FAM193B: variants seen among roughly 807,000 people sequenced by gnomAD.
FAM193B encodes the protein protein FAM193B.
Under a neutral mutation model 70.7 loss-of-function variants are expected in FAM193B, and 27 were observed. The ratio of observed to expected loss-of-function variants is 0.38; its 90% CI spans 0.28 to 0.53. FAM193B has a LOEUF of 0.53. Among genes scored for constraint, FAM193B ranks in the 20% least tolerant of loss-of-function variants. The pLI is 0.81. For missense variants in FAM193B, 1,022 were observed against 1,072.5 expected (o/e 0.95, Z 0.66); for synonymous variants, 448 against 436.0 (o/e 1.03, Z -0.34).
At chr5:177,553,738 C>G in intron 1 of FAM193B, 1 of 1,287,896 alleles carries the variant, frequency 7.8e-7, no homozygotes. Context: ...GCTCCAACTG[C>G]TCTGCTGGGT....
chr5:177,538,823 G>C lies in FAM193B; in HGVS notation c.453+82C>G. On this transcript the variant is annotated intron_variant, in intron 2 of 8. Transcript: ENST00000514747. This position sits in a 1 kb window ranked among gnomAD's most constrained non-coding sequence, Gnocchi z 4.1. ...TGGGCATGGGAGCTGCCCAAGGAGA[G>C]CCACCTGAGGACAGGGAACAGCCTG... 6.4e-7 allele frequency: 1 copy of C among 1,563,220 alleles called. No homozygotes were observed. Among genetic ancestry groups the C allele is most frequent in the Admixed American group, 1.7e-5 (1 of 57,592 alleles).
chr5:177,533,481 A>G (rs893319567), intron 4 of FAM193B, among the ~76,000 whole-genome samples: 18 of 151,974 alleles, frequency 1.2e-4, no homozygotes, highest in Non-Finnish European at 2.4e-4. Context: ...ATTTTCTTGT[A>G]TTTTTAGTAG....
intron 1 of FAM193B, among the ~76,000 whole-genome samples, chr5:177,551,193 T>C (rs1351569541): frequency 6.6e-6 from 1 of 152,170 alleles, no homozygotes; most frequent in Non-Finnish European, 1.5e-5. Context: ...GCTAGGAGGC[T>C]AAGCTGGGAA....
Position 177,524,628 on chromosome 5 carries a change from G to A in FAM193B, c.1853C>T (p.Pro618Leu). The A allele has an allele frequency of 1.2e-6, 2 of 1,612,814 alleles. No homozygotes were observed. Among genetic ancestry groups the A allele is most frequent in the Non-Finnish European group, 1.7e-6 (2 of 1,179,560 alleles). The change falls in exon 6 of 9, where the codon CCC becomes CTC. Residue 618 changes from proline to leucine, a missense_variant. Pro to Leu is a moderately conservative substitution (Grantham distance 98). Transcript: ENST00000514747. ...CTCAGGCAGCTCCTGCTTGCAACTG[G>A]GAACTTCCTTTGAGCTTGGCTCCTC... ...SSEEPSSKEV[P>L]SCKQELPEPV... is the part of the protein sequence containing the mutation.
intron 8 of FAM193B, 115 bp downstream of exon 8, chr5:177,521,859 C>T (rs1761796179): frequency 1.3e-6 from 1 of 767,284 alleles, no homozygotes; most frequent in Non-Finnish European, 2.2e-6. Flanking sequence ...CCAGGGATCC[C>T]ATGCCCCAAG....
intron 5 of FAM193B, among the ~76,000 whole-genome samples, chr5:177,527,171 G>A (rs961662498): frequency 1.3e-5 from 2 of 152,194 alleles, no homozygotes; most frequent in African/African-American, 4.8e-5. Context: ...TGGAAAGGCT[G>A]GAAATGGGAA....
chr5:177,550,939 C>T (rs775979135), intron 1 of FAM193B, among the ~76,000 whole-genome samples: 14 of 152,190 alleles, frequency 9.2e-5, no homozygotes, highest in Non-Finnish European at 1.6e-4. Context: ...AAGCAATCCT[C>T]CCGCCTCAGC....
intron 5 of FAM193B, chr5:177,531,625 TC>T (rs1218736254): frequency 9.9e-7 from 1 of 1,006,508 alleles, no homozygotes; most frequent in Non-Finnish European, 1.3e-6. Context: ...AGACAACTGT[TC>T]TCTCTACCAT....
intron 1 of FAM193B, chr5:177,539,449 C>A (rs1173353068): frequency 6.5e-6 from 2 of 307,482 alleles, no homozygotes; most frequent in Non-Finnish European, 1.2e-5. Flanking sequence ...AATTCTCTGA[C>A]ATCCCCAAAT....
chr5:177,553,515 C>T (rs1766578808), intron 1 of FAM193B: 1 of 1,144,932 alleles, frequency 8.7e-7, no homozygotes, highest in Non-Finnish European at 1.1e-6. Context: ...ATCTCCTTTG[C>T]TCAAAAGAAA....
At chr5:177,547,243 A>T (rs1186033686) in intron 1 of FAM193B, 2 of 150,926 alleles carry the variant, frequency 1.3e-5, no homozygotes, top group Admixed American at 1.3e-4. Context: ...AAGAAATGAC[A>T]GGGAAACTTA....
chr5:177,536,659 C>G lies in FAM193B; in HGVS notation c.775G>C (p.Ala259Pro), dbSNP rs373735577. The G allele has an allele frequency of 3.2e-6, 5 of 1,562,912 alleles. No individual in the cohort carries two copies. The highest frequency in any genetic ancestry group is 2.2e-4 in the Middle Eastern group (1 of 4,570). The change falls in exon 4 of 9, where the codon GCA (alanine) becomes CCA (proline). Residue 259 changes from alanine to proline, a missense_variant. Ala to Pro is a conservative substitution (Grantham distance 27, BLOSUM62 -1). Transcript: ENST00000514747. ...NSPTGHHPQPASLIPSHPSSF... is the reference protein window; with the variant it reads ...NSPTGHHPQPPSLIPSHPSSF... ...CTGGGGTGAGACGGGATTAGAGATGCTGGCTGCGGGTGGTGGCCGGTGGGG... is the reference window on the plus strand; with the variant it reads ...CTGGGGTGAGACGGGATTAGAGATGGTGGCTGCGGGTGGTGGCCGGTGGGG...
chr5:177,536,633 G>T lies in FAM193B; in HGVS notation c.801C>A (p.Ser267Arg), dbSNP rs1349786400. 1.9e-6 allele frequency: 3 copies of T among 1,562,672 alleles called. No homozygotes were observed. The highest frequency in any genetic ancestry group is 2.6e-6 in the Non-Finnish European group (3 of 1,161,330). The change falls in exon 4 of 9, where the codon AGC becomes AGA. Residue 267 changes from serine to arginine, a missense_variant. Ser to Arg is a moderately radical substitution (Grantham distance 110). Transcript: ENST00000514747. ...QPASLIPSHP[S>R]SFGSPPHPHL... ...GTGGGTGGGGTGGGGAGCCAAAGGA[G>T]CTGGGGTGAGACGGGATTAGAGATG...
At position 177,532,746 on chromosome 5, in the gene FAM193B, T is replaced by A. The variant is rs1468943601; in HGVS notation, c.1077-105A>T. ...CCTGACCGCCCTTCACTTGCCCCAC[T>A]CCACAGAGGTCCCAGGTGGTCCAAC... On this transcript the variant is annotated intron_variant, in intron 4 of 8. Transcript: ENST00000514747. The surrounding 1 kb of genome is among the most constrained non-coding windows in gnomAD (Gnocchi z 4.9). The A allele has an allele frequency of 2.8e-6, 3 of 1,076,410 alleles. No individual in the cohort carries two copies. Among genetic ancestry groups the A allele is most frequent in the Non-Finnish European group, 3.8e-6 (3 of 786,292 alleles). The allele number at this position is 1,076,410 out of a possible 1,614,324, so 66.7% of individuals were successfully genotyped here. A position where few individuals can be genotyped will look rare whatever the true frequency, so the allele number is the denominator to read the frequency against.
rs199726921 is a variant in FAM193B at position 177,522,507 on chromosome 5, AT to A, written c.2373-437del. On this transcript the variant is annotated intron_variant, in intron 7 of 8. Transcript: ENST00000514747. ...CCATATACTTTTTTTTAAAATTACT[AT>A]TTTTTTTTTAAATAAGAGATAGGGT... 1.1e-4 allele frequency among the ~76,000 whole-genome samples: 16 copies of A among 149,646 alleles called. No homozygotes were observed. In the East Asian group the frequency reaches 2.1e-3, roughly 20 times the overall value.
At chr5:177,552,502 GC>G (rs1477462225) in intron 1 of FAM193B, among the ~76,000 whole-genome samples, 7 of 152,238 alleles carry the variant, frequency 4.6e-5, no homozygotes, top group Non-Finnish European at 1.0e-4. Flanking sequence ...CATCATCCAA[GC>G]TTTTTGGCAT....
At chr5:177,528,735 G>A (rs1763002975) in intron 5 of FAM193B, among the ~76,000 whole-genome samples, 1 of 152,238 alleles carries the variant, frequency 6.6e-6, no homozygotes, top group African/African-American at 2.4e-5. Context: ...AAGACTGGAG[G>A]CCTGACAGAA....
Position 177,525,085 on chromosome 5 carries a change from G to C in FAM193B, c.1396C>G (p.Arg466Gly), listed in dbSNP as rs1051319121. The change falls in exon 6 of 9, where the codon CGG becomes GGG. Residue 466 changes from arginine (R) to glycine (G), a missense_variant. By Grantham distance (125) the Arg-to-Gly change is moderately radical. Transcript: ENST00000514747. The stretch of plus-strand genomic sequence containing the variant: ...CGGCTGCTCAGGAAGCTGTTGACCC[G>C]ATCCAGTTCCCGGTCGGGCCACTCC... ...LLEWPDRELD[R>G]VNSFLSSRLQ... The C allele has an allele frequency of 6.3e-7, 1 of 1,594,564 alleles. No individual in the cohort carries two copies. Among genetic ancestry groups the C allele is most frequent in the Non-Finnish European group, 8.5e-7 (1 of 1,171,512 alleles).
At position 177,549,183 on chromosome 5, in the gene FAM193B, TTTTC is replaced by T. The variant is rs1347711112; in HGVS notation, c.210+5062_210+5065del. ...ATTAACCATGTAAGACTGGATTGTCTTTTCTTTTTTTTTTTTTTTTTTTTTTGAG... is the reference window on the plus strand; with the variant it reads ...ATTAACCATGTAAGACTGGATTGTCTTTTTTTTTTTTTTTTTTTTTTTGAG... On this transcript the variant is annotated intron_variant, in intron 1 of 8. Coordinates refer to ENST00000514747, the MANE Select transcript of FAM193B (RefSeq NM_001190946.3). Among the ~76,000 whole-genome samples, 708 of 120,778 alleles carry T rather than the reference TTTTC, an allele frequency of 5.9e-3. 4 individuals carry two copies. The highest frequency in any genetic ancestry group is 9.3e-3 in the Non-Finnish European group (551 of 59,396). The allele number at this position is 120,778 out of a possible 152,430, so 79.2% of individuals were successfully genotyped here.
Sources: gnomAD v4.1 joint callset for allele counts (sites outside exome capture counted in the v4.1 genomes callset) on GRCh38, gnomAD v4.1.1 for gene constraint, Gnocchi (gnomAD v3.1) non-coding constraint, MANE v1.5 for transcripts, NCBI Gene and HGNC (gene_info 2026-07-23, HGNC 2026-07-21) for gene names.